Variants in TAOK3 observed in about 807,000 individuals in gnomAD.
The protein encoded by TAOK3 is TAO kinase 3.
TAOK3 carries 40 observed loss-of-function variants against 120.4 expected under a neutral mutation model. The ratio of observed to expected loss-of-function variants is 0.33; its 90% CI spans 0.26 to 0.43. The LOEUF is 0.43. Ranked by LOEUF, TAOK3 falls within the 20% of genes least tolerant of loss-of-function variation. The pLI is 1.00. For synonymous variants in TAOK3, 355 were observed against 387.5 expected, an observed-to-expected ratio of 0.92 and a Z score of 0.99; for missense variants, 821 against 1,112.1, an observed-to-expected ratio of 0.74 and a Z score of 3.72.
At chr12:118,183,023 C>T (rs910846937) in intron 14 of TAOK3, among the ~76,000 whole-genome samples, 1 of 151,358 alleles carries the variant, frequency 6.6e-6, no homozygotes, top group African/African-American at 2.4e-5. Context: ...CACTTCCTCC[C>T]TATTTTTCCT....
chr12:118,332,837 A>G (rs1275448699), intron 1 of TAOK3, among the ~76,000 whole-genome samples: 1 of 152,206 alleles, frequency 6.6e-6, no homozygotes, highest in Non-Finnish European at 1.5e-5. Flanking sequence ...TCGAGTAGCT[A>G]TATTAATATC....
At chr12:118,181,728 T>C in intron 14 of TAOK3, 121 bp from the exon 15 acceptor site, 1 of 803,190 alleles carries the variant, frequency 1.2e-6, no homozygotes, top group Non-Finnish European at 2.1e-6. Flanking sequence ...ATTTACCTAC[T>C]GTTTAGTGAA....
chr12:118,311,026 G>C (rs1419254526), intron 1 of TAOK3, among the ~76,000 whole-genome samples: 1 of 150,776 alleles, frequency 6.6e-6, no homozygotes, highest in Non-Finnish European at 1.5e-5. Flanking sequence ...TGACCCTACA[G>C]TGTTTCATAG....
chr12:118,158,448 T>C (rs2034988714), intron 19 of TAOK3, among the ~76,000 whole-genome samples: 1 of 152,198 alleles, frequency 6.6e-6, no homozygotes, highest in South Asian at 2.1e-4. Context: ...GTCTACAACT[T>C]AGTCAATTAT....
chr12:118,240,619 C>T (rs934667697), intron 5 of TAOK3, among the ~76,000 whole-genome samples: 1 of 152,130 alleles, frequency 6.6e-6, no homozygotes, highest in African/African-American at 2.4e-5. Flanking sequence ...CCTGGGATTA[C>T]AGGCATAAGC....
intron 1 of TAOK3, among the ~76,000 whole-genome samples, chr12:118,343,557 G>A (rs2044721681): frequency 6.6e-6 from 1 of 152,094 alleles, no homozygotes; most frequent in Admixed American, 6.5e-5. Flanking sequence ...GATATGTGCA[G>A]GGAACTGTAT....
intron 10 of TAOK3, 143 bp downstream of exon 10, chr12:118,213,874 G>C: frequency 1.4e-6 from 1 of 701,418 alleles, no homozygotes; most frequent in East Asian, 2.8e-5. Flanking sequence ...GTTGATGCTT[G>C]TGAGGCATCA....
chr12:118,182,623 A>T (rs795477), intron 14 of TAOK3, among the ~76,000 whole-genome samples: 13,612 of 92,518 alleles, frequency 0.15, 1,349 homozygotes, highest in Non-Finnish European at 0.19. Flanking sequence ...ATATATATAT[A>T]TTTTTTTTTT....
chr12:118,204,626 A>G (rs1413902462), intron 11 of TAOK3, among the ~76,000 whole-genome samples: 1 of 152,190 alleles, frequency 6.6e-6, no homozygotes, highest in East Asian at 1.9e-4. Context: ...AAGTATTATC[A>G]TTTTCCTCCT....
chr12:118,215,812 A>C (rs969022737), intron 9 of TAOK3, among the ~76,000 whole-genome samples: 1 of 151,874 alleles, frequency 6.6e-6, no homozygotes, highest in Non-Finnish European at 1.5e-5. Flanking sequence ...AATAGCCTTG[A>C]CCTTTCAGGC....
At chr12:118,159,567 C>A (rs2035081640) in intron 19 of TAOK3, among the ~76,000 whole-genome samples, 1 of 152,194 alleles carries the variant, frequency 6.6e-6, no homozygotes, top group East Asian at 1.9e-4. Flanking sequence ...TCCCAAAATG[C>A]TGGGATTACA....
At chr12:118,318,545 C>T (rs573328489) in intron 1 of TAOK3, among the ~76,000 whole-genome samples, 21 of 152,096 alleles carry the variant, frequency 1.4e-4, no homozygotes, top group Non-Finnish European at 3.1e-4. Context: ...CACCTCACAC[C>T]TGTAAGAATA....
At chr12:118,289,172 G>C (rs767187279) in intron 1 of TAOK3, among the ~76,000 whole-genome samples, 18 of 151,248 alleles carry the variant, frequency 1.2e-4, no homozygotes, top group Non-Finnish European at 2.1e-4. Context: ...GTGGTGGCAT[G>C]CGCCTATAAT....
chr12:118,311,784 T>C (rs1593499853), intron 1 of TAOK3, among the ~76,000 whole-genome samples: 1 of 152,078 alleles, frequency 6.6e-6, no homozygotes, highest in Admixed American at 6.5e-5. Context: ...GCCAATAAAC[T>C]TTAAGAAAAA....
At chr12:118,365,960 A>T (rs1412759795) in intron 1 of TAOK3, among the ~76,000 whole-genome samples, 1 of 152,212 alleles carries the variant, frequency 6.6e-6, no homozygotes, top group Admixed American at 6.5e-5. Flanking sequence ...TAATGTTCAG[A>T]ACAGAATAGA....
At chr12:118,295,485 CT>C (rs1947363229) in intron 1 of TAOK3, 1 of 152,226 alleles carries the variant, frequency 6.6e-6, no homozygotes, top group Admixed American at 6.5e-5. Context: ...GCTGCCCTCT[CT>C]TTCCTCTCTT....
At chr12:118,239,833 C>T (rs758183357) in intron 5 of TAOK3, among the ~76,000 whole-genome samples, 27 of 152,250 alleles carry the variant, frequency 1.8e-4, no homozygotes, top group Non-Finnish European at 2.8e-4. Flanking sequence ...GTGTTATTTA[C>T]ATTTAGATCT....
intron 1 of TAOK3, among the ~76,000 whole-genome samples, chr12:118,366,770 T>C (rs1166107169): frequency 1.3e-5 from 2 of 152,168 alleles, no homozygotes; most frequent in East Asian, 3.9e-4. Context: ...CTTTGTTTAA[T>C]GGAACTAGGT....
intron 11 of TAOK3, among the ~76,000 whole-genome samples, chr12:118,206,291 A>C (rs2038307378): frequency 6.6e-6 from 1 of 152,246 alleles, no homozygotes; most frequent in South Asian, 2.1e-4. Context: ...TGCTTACGCC[A>C]CTTCCTTTTC....
Sources: gnomAD v4.1 joint callset for allele counts (sites outside exome capture counted in the v4.1 genomes callset) on GRCh38, gnomAD v4.1.1 for gene constraint, MANE v1.5 for transcripts, NCBI Gene and HGNC (gene_info 2026-07-23, HGNC 2026-07-21) for gene names.